Variants in TENM3 observed in about 807,000 individuals in gnomAD.
The protein encoded by TENM3 is teneurin transmembrane protein 3.
TENM3 carries 63 observed loss-of-function variants against 255.1 expected under a neutral mutation model. That is an observed-to-expected ratio of 0.25 (90% CI 0.20 to 0.30). TENM3 has a LOEUF of 0.30. Among genes scored for constraint, TENM3 ranks in the 10% least tolerant of loss-of-function variants. TENM3 has a pLI of 1.00. For missense variants in TENM3, 2,929 were observed against 3,461.1 expected, an observed-to-expected ratio of 0.85 and a Z score of 3.86; for synonymous variants, 1,306 against 1,322.3, an observed-to-expected ratio of 0.99 and a Z score of 0.27.
the TENM3 span, among the ~76,000 whole-genome samples, chr4:181,668,323 T>G: frequency 3.9e-5 from 6 of 152,228 alleles, no homozygotes; most frequent in African/African-American, 1.4e-4. Context: ...ATCAGTCCTC[T>G]GCATGCTCCA....
intron 1 of TENM3, among the ~76,000 whole-genome samples, chr4:182,146,659 A>AT (rs1184756797): frequency 6.6e-6 from 1 of 152,164 alleles, no homozygotes; most frequent in Non-Finnish European, 1.5e-5. Flanking sequence ...TCAAACACAC[A>AT]TTTTACATGC....
At chr4:181,630,972 T>C in the TENM3 span, among the ~76,000 whole-genome samples, 2 of 152,212 alleles carry the variant, frequency 1.3e-5, no homozygotes, top group African/African-American at 4.8e-5. Flanking sequence ...CTTACAGTTT[T>C]GTGAACTCAG....
chr4:182,641,229 C>T (rs540228328), intron 5 of TENM3, among the ~76,000 whole-genome samples: 4 of 152,336 alleles, frequency 2.6e-5, no homozygotes, highest in East Asian at 1.9e-4. Flanking sequence ...CACACACTCA[C>T]GAATCAGTGT....
At chr4:181,750,222 T>C in the TENM3 span, among the ~76,000 whole-genome samples, 154 of 152,228 alleles carry the variant, frequency 1.0e-3, 1 homozygote, top group African/African-American at 3.5e-3. Flanking sequence ...TTGTTCATGG[T>C]TGGGGGGTAG....
the TENM3 span, among the ~76,000 whole-genome samples, chr4:181,474,979 A>G: frequency 1.3e-5 from 2 of 152,214 alleles, no homozygotes; most frequent in African/African-American, 2.4e-5. Context: ...ATAACTGTGC[A>G]ATAAATATCT....
intron 1 of TENM3, among the ~76,000 whole-genome samples, chr4:182,234,150 CGTT>C (rs1756745997): frequency 6.6e-6 from 1 of 152,176 alleles, no homozygotes; most frequent in African/African-American, 2.4e-5. Context: ...GTTCTTTCCA[CGTT>C]AACAACCCTT....
At chr4:181,671,918 A>G in the TENM3 span, among the ~76,000 whole-genome samples, 1 of 152,060 alleles carries the variant, frequency 6.6e-6, no homozygotes, top group Non-Finnish European at 1.5e-5. Context: ...CATGGGATAG[A>G]TTGTATCTCA....
At chr4:181,730,809 A>T in the TENM3 span, among the ~76,000 whole-genome samples, 1 of 152,202 alleles carries the variant, frequency 6.6e-6, no homozygotes, top group Non-Finnish European at 1.5e-5. Context: ...AGCTCCAAAA[A>T]TTAAGCTGTA....
intron 11 of TENM3, among the ~76,000 whole-genome samples, chr4:182,687,902 C>T (rs527647800): frequency 6.6e-6 from 1 of 152,210 alleles, no homozygotes; most frequent in South Asian, 2.1e-4. Context: ...GAAATTATTT[C>T]TAACAATTGT....
the TENM3 span, among the ~76,000 whole-genome samples, chr4:181,706,337 G>T: frequency 1.3e-5 from 2 of 152,112 alleles, no homozygotes; most frequent in Non-Finnish European, 2.9e-5. Context: ...TGAGATCCAG[G>T]GGCGGTGGGT....
chr4:182,650,923 TA>T (rs141923167), intron 5 of TENM3, among the ~76,000 whole-genome samples: 1 of 6,714 alleles, frequency 1.5e-4, no homozygotes, highest in Admixed American at 1.1e-3. Context: ...TATATATATA[TA>T]AAACAAAGCT....
At chr4:181,585,740 A>G in the TENM3 span, among the ~76,000 whole-genome samples, 4 of 152,098 alleles carry the variant, frequency 2.6e-5, no homozygotes, top group African/African-American at 7.2e-5. Flanking sequence ...AGGACCATAT[A>G]TTTGGCCTCT....
At chr4:182,128,350 T>A in the TENM3 span, among the ~76,000 whole-genome samples, 1 of 152,094 alleles carries the variant, frequency 6.6e-6, no homozygotes, top group Non-Finnish European at 1.5e-5. Flanking sequence ...TTTCTTATTT[T>A]TTACTTTTTT....
At chr4:182,531,080 T>C (rs1739733092) in intron 3 of TENM3, among the ~76,000 whole-genome samples, 1 of 150,592 alleles carries the variant, frequency 6.6e-6, no homozygotes, top group Non-Finnish European at 1.5e-5. Context: ...GCTCTGGGAG[T>C]GGTTGGAGGA....
At position 182,669,226 on chromosome 4, in the gene TENM3, TATAAC is replaced by T. The variant is rs527498940; in HGVS notation, c.1112-3774_1112-3770del. 4.1e-3 allele frequency among the ~76,000 whole-genome samples: 617 copies of T among 152,268 alleles called. 3 individuals carry two copies. The highest frequency in any genetic ancestry group is 0.014 in the African/African-American group (573 of 41,562). ...AAAAACTTATGAGGAACTTATGAAT[TATAAC>T]ATAAAGAGTATTATATTATAATATC... On this transcript the variant is annotated intron_variant, in intron 6 of 27. Transcript: ENST00000511685.
chr4:181,939,158 C>T, the TENM3 span, among the ~76,000 whole-genome samples: 1 of 152,124 alleles, frequency 6.6e-6, no homozygotes. Context: ...AAATTTGTTT[C>T]TACCCATGAA....
At chr4:181,738,008 A>C in the TENM3 span, among the ~76,000 whole-genome samples, 1 of 152,000 alleles carries the variant, frequency 6.6e-6, no homozygotes. Context: ...CTGGAAAAAT[A>C]TGTGAAGGGA....
chr4:182,457,593 C>A (rs372454706), intron 3 of TENM3, among the ~76,000 whole-genome samples: 1 of 105,068 alleles, frequency 9.5e-6, no homozygotes. Context: ...GACCTTGTCT[C>A]GATACCTAGA....
the TENM3 span, among the ~76,000 whole-genome samples, chr4:181,721,421 C>T: frequency 1.5e-5 from 2 of 136,116 alleles, no homozygotes; most frequent in South Asian, 5.2e-4. Context: ...ACGGTGAAAC[C>T]CCGTCTCTAC....
Sources: allele counts gnomAD v4.1 joint callset (sites outside exome capture counted in the v4.1 genomes callset), GRCh38; gene constraint gnomAD v4.1.1; transcripts MANE v1.5; gene names NCBI Gene and HGNC (gene_info 2026-07-23, HGNC 2026-07-21).